The following PRKX variants were observed in gnomAD, a reference collection of about 807,000 sequenced individuals.
PRKX encodes cAMP-dependent protein kinase catalytic subunit PRKX.
In PRKX, 12 loss-of-function variants were observed where a neutral mutation model predicts 22.0. That is an observed-to-expected ratio of 0.54 (90% CI 0.35 to 0.88). The LOEUF (loss-of-function observed/expected upper bound fraction) is 0.88, where lower values mean the gene tolerates loss of function less well. Among genes scored for constraint, PRKX ranks in the 40% least tolerant of loss-of-function variants. PRKX has a pLI of 0.01. For missense variants in PRKX, 217 were observed against 308.0 expected (o/e 0.70, Z 2.21); for synonymous variants, 134 against 137.7 (o/e 0.97, Z 0.19).
chrX:3,626,576 T>G (rs1465530010), intron 4 of PRKX, 62 bp from the exon 5 acceptor site: 1 of 817,494 alleles, frequency 1.2e-6, no homozygotes. Context: ...ATCCCTGCTT[T>G]GTAACGATAG....
At chrX:3,635,348 C>T (rs1926866547) in intron 4 of PRKX, among the ~76,000 whole-genome samples, 1 of 111,468 alleles carries the variant, frequency 9.0e-6, no homozygotes, top group Middle Eastern at 4.2e-3. Flanking sequence ...GTCTGCTATG[C>T]TGTATTGTCT....
intron 6 of PRKX, among the ~76,000 whole-genome samples, chrX:3,619,488 G>A (rs1569040832): frequency 1.8e-5 from 2 of 112,098 alleles, no homozygotes; most frequent in African/African-American, 3.2e-5. Context: ...CTCTTGAGAA[G>A]AGATAATCCT....
rs1485636769 is a variant in PRKX at position 3,713,493 on chromosome X, G to A, written c.-240C>T. 4.0e-5 allele frequency: 10 copies of A among 248,843 alleles called. No homozygotes were observed. The highest frequency in any genetic ancestry group is 6.9e-5 in the Admixed American group (1 of 14,574). 20.5% of individuals were successfully genotyped at this position (248,843 alleles called of 1,213,427 possible). A position where few individuals can be genotyped will look rare whatever the true frequency, so the allele number is the denominator to read the frequency against. ...TGGGAGCAGCCGCCGGCCTCGGGGGGCGGGCACCGAGTGCGGGACGACTGC... is the reference window on the plus strand; with the variant it reads ...TGGGAGCAGCCGCCGGCCTCGGGGGACGGGCACCGAGTGCGGGACGACTGC... On this transcript the variant is annotated 5_prime_UTR_variant, in exon 1 of 9. Transcript: ENST00000262848.
At position 3,638,215 on chromosome X, in the gene PRKX, G is replaced by A. The variant is rs770787449; in HGVS notation, c.719+3637C>T. Among the ~76,000 whole-genome samples, 4 of 111,352 alleles carry A rather than the reference G, an allele frequency of 3.6e-5. No homozygotes were observed. In the East Asian group the frequency reaches 8.4e-4, roughly 23 times the overall value. Reference sequence around the variant, plus strand: ...TAATTCGAATACAGTCATTCTAAGAGTGTAATATTCTATTCTTTTTAAATT... The same window carrying A: ...TAATTCGAATACAGTCATTCTAAGAATGTAATATTCTATTCTTTTTAAATT... On this transcript the variant is annotated intron_variant, in intron 4 of 8. Coordinates refer to ENST00000262848, the MANE Select transcript of PRKX (RefSeq NM_005044.5).
chrX:3,637,538 G>A (rs1309427825), intron 4 of PRKX, among the ~76,000 whole-genome samples: 1 of 111,332 alleles, frequency 9.0e-6, no homozygotes, highest in Non-Finnish European at 1.9e-5. Flanking sequence ...TGGGGTCGGC[G>A]AAGCTGGTAA....
At chrX:3,689,297 C>T (rs1479962169) in intron 1 of PRKX, among the ~76,000 whole-genome samples, 2 of 112,396 alleles carry the variant, frequency 1.8e-5, no homozygotes, top group Admixed American at 1.9e-4. Context: ...TTCTTCTTTA[C>T]GAAGTCGATT....
At chrX:3,690,590 G>T (rs752833194) in intron 1 of PRKX, among the ~76,000 whole-genome samples, 9 of 111,483 alleles carry the variant, frequency 8.1e-5, no homozygotes, top group Non-Finnish European at 1.3e-4. Context: ...AAAACAGCCA[G>T]GCATGGTGGC....
intron 1 of PRKX, among the ~76,000 whole-genome samples, chrX:3,702,937 C>G (rs1179055984): frequency 9.1e-6 from 1 of 110,457 alleles, no homozygotes; most frequent in Admixed American, 9.7e-5. Context: ...CTCAAGTGAT[C>G]CTCTCACCCT....
intron 7 of PRKX, among the ~76,000 whole-genome samples, chrX:3,614,532 G>C (rs1042622710): frequency 2.7e-5 from 3 of 111,646 alleles, no homozygotes; most frequent in African/African-American, 9.8e-5. Flanking sequence ...CGCAGAATGA[G>C]AAACACAGCG....
At chrX:3,702,920 G>A (rs1055784054) in intron 1 of PRKX, among the ~76,000 whole-genome samples, 4 of 110,136 alleles carry the variant, frequency 3.6e-5, no homozygotes, top group East Asian at 2.9e-4. Context: ...GGTCTCAAAC[G>A]TCTGGACTCA....
intron 2 of PRKX, among the ~76,000 whole-genome samples, chrX:3,663,445 CACACACACACACACACACACACAAAA>C (rs1002734206): frequency 1.3e-5 from 1 of 78,123 alleles, no homozygotes; most frequent in African/African-American, 4.8e-5. Flanking sequence ...CACACACACA[CACACACACACACACACACACACAAAA>C]AAATTCAATT....
At position 3,713,116 on chromosome X, in the gene PRKX, C is replaced by A; in HGVS notation, c.138G>T (p.Leu46=). 7.7e-6 allele frequency: 9 copies of A among 1,166,070 alleles called. No individual in the cohort carries two copies. The highest frequency in any genetic ancestry group is 9.1e-6 in the Non-Finnish European group (8 of 875,951). The stretch of plus-strand genomic sequence containing the variant: ...CGGTGGCCAGCGTGTCAAAGTCCTG[C>A]AGGCTGTACACAGGCGGCTCCGGCG... ...ALSPEPPVYS[L]QDFDTLATVG... is the part of the protein sequence containing the mutation. Residue 46 remains leucine, a synonymous_variant, in exon 1 of 9, where the codon CTG becomes CTT. Transcript: ENST00000262848.
rs757950868 is a variant in PRKX, at chrX:3,674,695, T to C, written c.238A>G (p.Met80Val). The part of the protein sequence containing the change: ...TAKHFFALKV[M>V]SIPDVIRLKQ... ...AGGCGGATGACGTCGGGAATGCTCA[T>C]CACCTTGAGGGCGAAGAAATGCTTG... The change falls in exon 2 of 9, where the codon ATG (methionine) becomes GTG (valine). Residue 80 changes from methionine (M) to valine (V), a missense_variant. Met to Val is a conservative substitution (Grantham distance 21). Coordinates refer to ENST00000262848, the MANE Select transcript of PRKX (RefSeq NM_005044.5). 8.3e-7 allele frequency: 1 copy of C among 1,211,338 alleles called. No individual in the cohort carries two copies.
chrX:3,641,994 C>T lies in PRKX; in HGVS notation c.600-23G>A, dbSNP rs1213912673. ...GTCCTATATGGGCGACAGAGACAGG[C>T]CCCCACAACACTCAGTGGTGCTTGG... On this transcript the variant is annotated intron_variant, in intron 3 of 8. Transcript: ENST00000262848. 4 of 707,587 alleles carry T rather than the reference C, an allele frequency of 5.7e-6. No homozygotes were observed. The Admixed American group carries it at 1.0e-4, about 18-fold the overall frequency. The allele number at this position is 707,587 out of a possible 1,213,427, so 58.3% of individuals were successfully genotyped here. A position where few individuals can be genotyped will look rare whatever the true frequency, so the allele number is the denominator to read the frequency against.
chrX:3,699,033 TTTTTA>T (rs1427434665), intron 1 of PRKX, among the ~76,000 whole-genome samples: 50 of 103,124 alleles, frequency 4.8e-4, no homozygotes, highest in African/African-American at 1.7e-3. Flanking sequence ...GCCCAGCTAA[TTTTTA>T]TTTTATTTTT....
intron 1 of PRKX, among the ~76,000 whole-genome samples, chrX:3,698,554 A>G (rs150511182): frequency 0.044 from 4,849 of 110,333 alleles, 272 homozygotes; most frequent in African/African-American, 0.15. Flanking sequence ...GGTTTTTTCT[A>G]CATGTGTTTT....
chrX:3,639,352 T>G (rs867943474), intron 4 of PRKX, among the ~76,000 whole-genome samples: 2 of 3,902 alleles, frequency 5.1e-4, no homozygotes, highest in Admixed American at 3.4e-3. Flanking sequence ...GGGGTGGGGG[T>G]GGATGGATGA....
At chrX:3,644,859 C>T (rs1175152642) in intron 3 of PRKX, among the ~76,000 whole-genome samples, 1 of 111,706 alleles carries the variant, frequency 9.0e-6, no homozygotes, top group Non-Finnish European at 1.9e-5. Context: ...ACAGGTCATG[C>T]TACAGGCATT....
Position 3,713,141 on chromosome X carries a change from G to T in PRKX, c.113C>A (p.Ser38Ter). 1 of 1,155,055 alleles carries T rather than the reference G, an allele frequency of 8.7e-7. No homozygotes were observed. The highest frequency in any genetic ancestry group is 1.1e-6 in the Non-Finnish European group (1 of 871,341). ...CAGGCTGTACACAGGCGGCTCCGGC[G>T]ACAGCGCCTCAGGGCTGGGGCAGAG... ...PALCPSPEAL[S>*]PEPPVYSLQD... The change falls in exon 1 of 9, where the codon TCG (serine) becomes TAG (stop). Residue 38 changes from serine to a stop codon, truncating the protein, a stop_gained. Transcript: ENST00000262848. LOFTEE classifies it high-confidence loss of function.
Sources: gnomAD v4.1 joint callset for allele counts (sites outside exome capture counted in the v4.1 genomes callset) on GRCh38, gnomAD v4.1.1 for gene constraint, MANE v1.5 for transcripts, NCBI Gene and HGNC (gene_info 2026-07-23, HGNC 2026-07-21) for gene names.